The following STK33 variants were observed in gnomAD, a reference collection of about 807,000 sequenced individuals.
STK33 encodes serine/threonine-protein kinase 33.
A neutral mutation model predicts 58.0 loss-of-function variants in STK33; 52 were observed. The observed-to-expected ratio is 0.90, with a 90% CI of 0.72 to 1.13. STK33 has a LOEUF of 1.13. STK33 is among the 50% of genes most tolerant of loss of function. The pLI is 0.00. For missense variants in STK33, 630 were observed against 604.2 expected (o/e 1.04, Z -0.45); for synonymous variants, 215 against 200.1 (o/e 1.07, Z -0.63).
chr11:8,579,060 A>G (rs2141293847), intron 1 of STK33, among the ~76,000 whole-genome samples: 1 of 152,206 alleles, frequency 6.6e-6, no homozygotes, highest in African/African-American at 2.4e-5. Flanking sequence ...TATAGTCATC[A>G]CCAATTCCTT....
At chr11:8,425,615 C>A (rs1942621768) in intron 14 of STK33, among the ~76,000 whole-genome samples, 1 of 152,028 alleles carries the variant, frequency 6.6e-6, no homozygotes, top group African/African-American at 2.4e-5. Context: ...TGTCCTTTTC[C>A]ATTTTTGTGT....
chr11:8,484,848 T>C (rs1337707842), intron 1 of STK33, among the ~76,000 whole-genome samples: 1 of 152,148 alleles, frequency 6.6e-6, no homozygotes, highest in African/African-American at 2.4e-5. Flanking sequence ...CATCAATTGG[T>C]GATTCTGTTG....
the STK33 span, among the ~76,000 whole-genome samples, chr11:8,354,966 G>T: frequency 6.6e-6 from 1 of 152,396 alleles, no homozygotes; most frequent in South Asian, 2.1e-4. Context: ...TTCTGTTTCT[G>T]ATCTCTTCTT....
intron 1 of STK33, among the ~76,000 whole-genome samples, chr11:8,524,395 A>T (rs956066836): frequency 6.6e-6 from 1 of 152,216 alleles, no homozygotes; most frequent in African/African-American, 2.4e-5. Flanking sequence ...TAACATCTAA[A>T]TTATATAAGG....
intron 1 of STK33, among the ~76,000 whole-genome samples, chr11:8,576,121 T>C (rs1157297568): frequency 6.6e-6 from 1 of 151,956 alleles, no homozygotes; most frequent in African/African-American, 2.4e-5. Flanking sequence ...GCATCTGAGA[T>C]GGGGAAAATG....
intron 1 of STK33, among the ~76,000 whole-genome samples, chr11:8,579,992 A>AC (rs2029868682): frequency 6.6e-6 from 1 of 152,218 alleles, no homozygotes; most frequent in Non-Finnish European, 1.5e-5. Context: ...ATGTGGAGAA[A>AC]AGGGAACCTT....
At chr11:8,421,564 C>A (rs1941925371) in intron 14 of STK33, among the ~76,000 whole-genome samples, 1 of 152,112 alleles carries the variant, frequency 6.6e-6, no homozygotes, top group Non-Finnish European at 1.5e-5. Context: ...TCAGAAATTT[C>A]TTGGCTATTT....
chr11:8,462,472 C>T lies in STK33; in HGVS notation c.454-563G>A, dbSNP rs200746913. Among the ~76,000 whole-genome samples, 765 of 141,882 alleles carry T rather than the reference C, an allele frequency of 5.4e-3. 4 individuals carry two copies. Among genetic ancestry groups the T allele is most frequent in the African/African-American group, 0.017 (659 of 37,742 alleles). The allele number at this position is 141,882 out of a possible 152,430, so 93.1% of individuals were successfully genotyped here. On this transcript the variant is annotated intron_variant, in intron 7 of 15. Transcript: ENST00000687296. Reference sequence around the variant, plus strand: ...ACACACACACACACACACACACACACATATATATATATATGTATGTATGAA... The same window carrying T: ...ACACACACACACACACACACACACATATATATATATATATGTATGTATGAA...
At chr11:8,522,957 G>T (rs1953621484) in intron 1 of STK33, among the ~76,000 whole-genome samples, 2 of 152,184 alleles carry the variant, frequency 1.3e-5, no homozygotes, top group Non-Finnish European at 2.9e-5. Context: ...ACGCCTGACT[G>T]GTTTTCGTAT....
intron 15 of STK33, among the ~76,000 whole-genome samples, chr11:8,409,057 T>C (rs79526630): frequency 0.012 from 1,833 of 152,342 alleles, 39 homozygotes; most frequent in African/African-American, 0.042. Flanking sequence ...CAAAATTAGC[T>C]AAGTTCCCAG....
intron 1 of STK33, among the ~76,000 whole-genome samples, chr11:8,553,194 A>ATC (rs1565347289): frequency 2.8e-5 from 2 of 72,402 alleles, no homozygotes; most frequent in African/African-American, 7.6e-5. Flanking sequence ...ATATATATAT[A>ATC]TATGGTGTAT....
the STK33 span, among the ~76,000 whole-genome samples, chr11:8,382,068 C>G: frequency 6.6e-6 from 1 of 152,180 alleles, no homozygotes; most frequent in Non-Finnish European, 1.5e-5. Flanking sequence ...CGCCCCCACC[C>G]CCACATCCTA....
At chr11:8,507,127 A>T (rs944149665) in intron 1 of STK33, among the ~76,000 whole-genome samples, 1 of 152,172 alleles carries the variant, frequency 6.6e-6, no homozygotes, top group Non-Finnish European at 1.5e-5. Context: ...CAGGGATCTG[A>T]AATACAAAAA....
chr11:8,497,145 C>G (rs1951123842), intron 1 of STK33, among the ~76,000 whole-genome samples: 1 of 151,824 alleles, frequency 6.6e-6, no homozygotes, highest in Non-Finnish European at 1.5e-5. Context: ...ATATGCATAA[C>G]CCAAGGGAGA....
rs758648739 is a variant in STK33 at position 8,473,191 on chromosome 11, A to G, written c.311T>C (p.Ile104Thr). ...GNFTEGKVPH[I>T]RIENGAAIEE... ...AATAGCAGCTCCATTCTCAATCCTT[A>G]TGTGAGGAACTTTTCCTTCTGTAAA... The change falls in exon 6 of 16, where the codon ATA becomes ACA. Residue 104 changes from isoleucine (I) to threonine (T), a missense_variant. Physicochemically the swap from Ile to Thr is moderately conservative, Grantham distance 89. Coordinates refer to ENST00000687296, the MANE Select transcript of STK33 (RefSeq NM_001352389.2). The G allele has an allele frequency of 6.2e-7, 1 of 1,613,058 alleles. No individual in the cohort carries two copies. The highest frequency in any genetic ancestry group is 8.5e-7 in the Non-Finnish European group (1 of 1,179,558).
chr11:8,587,741 T>C (rs1429801192), intron 1 of STK33, among the ~76,000 whole-genome samples: 1 of 152,138 alleles, frequency 6.6e-6, no homozygotes, highest in Non-Finnish European at 1.5e-5. Flanking sequence ...AATCCTTCCT[T>C]TGCTCTTCCC....
At chr11:8,534,239 C>T (rs2140182642) in intron 1 of STK33, among the ~76,000 whole-genome samples, 1 of 151,684 alleles carries the variant, frequency 6.6e-6, no homozygotes, top group East Asian at 1.9e-4. Flanking sequence ...CGCACCACTG[C>T]ACTCCAGCCT....
chr11:8,548,734 A>G (rs1461188735), intron 1 of STK33, among the ~76,000 whole-genome samples: 1 of 152,206 alleles, frequency 6.6e-6, no homozygotes, highest in Non-Finnish European at 1.5e-5. Flanking sequence ...CTCCCAATAC[A>G]TGATCATGGG....
At chr11:8,425,846 TG>T (rs1165336135) in intron 14 of STK33, among the ~76,000 whole-genome samples, 1 of 152,092 alleles carries the variant, frequency 6.6e-6, no homozygotes, top group Non-Finnish European at 1.5e-5. Flanking sequence ...GTGGGGGGTG[TG>T]GCTCGCTTCT....
Sources: allele counts gnomAD v4.1 joint callset (sites outside exome capture counted in the v4.1 genomes callset), GRCh38; gene constraint gnomAD v4.1.1; transcripts MANE v1.5; gene names NCBI Gene and HGNC (gene_info 2026-07-23, HGNC 2026-07-21).